The following VPS13B variants were observed in gnomAD, a reference collection of about 807,000 sequenced individuals.
VPS13B encodes vacuolar protein sorting 13 homolog B.
In VPS13B, 285 loss-of-function variants were observed where a neutral mutation model predicts 426.4. The observed-to-expected ratio is 0.67, with a 90% CI of 0.61 to 0.74. The LOEUF (loss-of-function observed/expected upper bound fraction) is 0.74, where lower values mean the gene tolerates loss of function less well. Among genes scored for constraint, VPS13B ranks in the 30% least tolerant of loss-of-function variants. The pLI is 0.00. For synonymous variants in VPS13B, 1,676 were observed against 1,676.4 expected, an observed-to-expected ratio of 1.00 and a Z score of 0.01; for missense variants, 4,537 against 4,782.6, an observed-to-expected ratio of 0.95 and a Z score of 1.51.
intron 3 of VPS13B, among the ~76,000 whole-genome samples, chr8:99,074,101 C>T (rs1444389137): frequency 6.6e-6 from 1 of 152,070 alleles, no homozygotes; most frequent in Non-Finnish European, 1.5e-5. Flanking sequence ...TGGCTGGGAC[C>T]TTCTGTACTG....
rs191511518 is a variant in VPS13B, at chr8:99,431,675, A to T, written c.3210+11A>T. 101 of 1,611,264 alleles carry T rather than the reference A, an allele frequency of 6.3e-5. No homozygotes were observed. The East Asian group carries it at 2.2e-3, about 35-fold the overall frequency. ...CATCTCACACTACAGGTAAAATAAA[A>T]GTTAGAAATATTATGGATATAATTT... On this transcript the variant is annotated intron_variant, in intron 22 of 61. Coordinates refer to ENST00000357162, the MANE Select transcript of VPS13B (RefSeq NM_152564.5).
intron 19 of VPS13B, among the ~76,000 whole-genome samples, chr8:99,295,416 A>T (rs1740581797): frequency 6.6e-6 from 1 of 152,222 alleles, no homozygotes; most frequent in Non-Finnish European, 1.5e-5. Flanking sequence ...TTCAAATAAA[A>T]GCTACAGAAC....
chr8:99,630,450 G>A (rs1465216716), intron 33 of VPS13B, among the ~76,000 whole-genome samples: 2 of 152,000 alleles, frequency 1.3e-5, no homozygotes, highest in Non-Finnish European at 2.9e-5. Context: ...TGTCCAGAAA[G>A]CATCTTTAGT....
At chr8:99,153,921 T>TC (rs950000472) in intron 14 of VPS13B, among the ~76,000 whole-genome samples, 1 of 152,024 alleles carries the variant, frequency 6.6e-6, no homozygotes, top group African/African-American at 2.4e-5. Flanking sequence ...AGTCTTTTTT[T>TC]CTCCTTTTGA....
intron 13 of VPS13B, among the ~76,000 whole-genome samples, chr8:99,143,939 G>A (rs376289073): frequency 6.6e-6 from 1 of 152,230 alleles, no homozygotes; most frequent in East Asian, 1.9e-4. Context: ...TCTGTCTACT[G>A]GGATGGGAGC....
chr8:99,870,686 T>C (rs746193310), intron 59 of VPS13B, 99 bp from the exon 60 acceptor site: 1 of 1,114,260 alleles, frequency 9.0e-7, no homozygotes, highest in South Asian at 1.3e-5. Context: ...TTTGGATCTG[T>C]AACATTTTAT....
intron 21 of VPS13B, among the ~76,000 whole-genome samples, chr8:99,406,083 A>G (rs1588339070): frequency 1.3e-5 from 2 of 152,198 alleles, no homozygotes; most frequent in East Asian, 3.9e-4. Flanking sequence ...CAGCCGCTAT[A>G]TACTTTTCAT....
At chr8:99,448,555 A>T (rs961930400) in intron 23 of VPS13B, among the ~76,000 whole-genome samples, 19 of 152,146 alleles carry the variant, frequency 1.2e-4, no homozygotes. Context: ...TTACACATGT[A>T]CCCAGATAGA....
chr8:99,793,259 A>ATG (rs1257693701), intron 43 of VPS13B, among the ~76,000 whole-genome samples: 1 of 139,954 alleles, frequency 7.1e-6, no homozygotes, highest in Non-Finnish European at 1.5e-5. Context: ...CTCTCCATAT[A>ATG]TATATATATA....
chr8:99,073,623 T>A (rs1844949293), intron 3 of VPS13B, among the ~76,000 whole-genome samples: 1 of 151,862 alleles, frequency 6.6e-6, no homozygotes, highest in East Asian at 1.9e-4. Flanking sequence ...GCAGTCTAGG[T>A]TTTTCTGTAT....
chr8:99,576,013 A>G (rs949711719), intron 32 of VPS13B, among the ~76,000 whole-genome samples: 3 of 152,218 alleles, frequency 2.0e-5, no homozygotes, highest in Admixed American at 2.0e-4. Flanking sequence ...TACTCCTCAT[A>G]TCCGTATTTT....
At chr8:99,811,695 G>A (rs1158063981) in intron 44 of VPS13B, among the ~76,000 whole-genome samples, 2 of 152,134 alleles carry the variant, frequency 1.3e-5, no homozygotes, top group East Asian at 1.9e-4. Flanking sequence ...GTATGTCCTC[G>A]TAGTCAAGAT....
chr8:99,044,084 C>CTTT (rs5893476), intron 3 of VPS13B, among the ~76,000 whole-genome samples: 63 of 98,926 alleles, frequency 6.4e-4, no homozygotes, highest in Middle Eastern at 8.2e-3. Flanking sequence ...TTCTTTCTTT[C>CTTT]TTTTTTTTTT....
At chr8:99,758,568 G>GTAGGTTACCTC (rs1810756443) in intron 39 of VPS13B, among the ~76,000 whole-genome samples, 1 of 152,176 alleles carries the variant, frequency 6.6e-6, no homozygotes, top group African/African-American at 2.4e-5. Context: ...CAGGCCTCAA[G>GTAGGTTACCTC]AAGTAGTAGT....
At chr8:99,381,172 T>C (rs1304693712) in intron 19 of VPS13B, among the ~76,000 whole-genome samples, 1 of 152,234 alleles carries the variant, frequency 6.6e-6, no homozygotes, top group Non-Finnish European at 1.5e-5. Context: ...TTTCTGTTCC[T>C]GCATTAGTTT....
chr8:99,854,403 A>C, intron 56 of VPS13B, 147 bp downstream of exon 56: 6 of 960,000 alleles, frequency 6.3e-6, no homozygotes, highest in Middle Eastern at 3.1e-4. Flanking sequence ...ACTGGATCTA[A>C]ATCTAGAGCC....
At chr8:99,554,077 A>G (rs973772253) in intron 30 of VPS13B, among the ~76,000 whole-genome samples, 2 of 152,090 alleles carry the variant, frequency 1.3e-5, no homozygotes, top group African/African-American at 4.8e-5. Flanking sequence ...TAAAAGTCTG[A>G]TGAAACTTGG....
chr8:99,492,751 C>A (rs986963293), intron 25 of VPS13B, among the ~76,000 whole-genome samples: 4 of 152,108 alleles, frequency 2.6e-5, no homozygotes, highest in Admixed American at 2.6e-4. Context: ...GAGAGTGTAC[C>A]GTTCCTCCAG....
intron 43 of VPS13B, among the ~76,000 whole-genome samples, chr8:99,787,645 A>G (rs1219649734): frequency 6.6e-6 from 1 of 152,166 alleles, no homozygotes; most frequent in Non-Finnish European, 1.5e-5. Flanking sequence ...GTGTGAGTTT[A>G]TAGAATGTTT....
Sources: allele counts gnomAD v4.1 joint callset (sites outside exome capture counted in the v4.1 genomes callset), GRCh38; gene constraint gnomAD v4.1.1; transcripts MANE v1.5; gene names NCBI Gene and HGNC (gene_info 2026-07-23, HGNC 2026-07-21).